Variants in PCDH7 observed in about 807,000 individuals in gnomAD.
PCDH7 encodes the protein protocadherin-7.
In PCDH7, 17 loss-of-function variants were observed where a neutral mutation model predicts 58.9. The ratio of observed to expected loss-of-function variants is 0.29; its 90% confidence interval spans 0.20 to 0.43. PCDH7 has a LOEUF of 0.43. PCDH7 is among the 20% of genes least tolerant of loss of function. PCDH7 has a pLI of 1.00. For synonymous variants in PCDH7, 664 were observed against 616.4 expected, an observed-to-expected ratio of 1.08 and a Z score of -1.14; for missense variants, 1,274 against 1,441.0, an observed-to-expected ratio of 0.88 and a Z score of 1.88.
intron 1 of PCDH7, among the ~76,000 whole-genome samples, chr4:30,814,886 G>C (rs1560398236): frequency 6.6e-6 from 1 of 151,952 alleles, no homozygotes; most frequent in Non-Finnish European, 1.5e-5. Flanking sequence ...TGTTAATTAA[G>C]ACTCATGAAT....
At chr4:30,729,236 A>G (rs1218242590) in intron 1 of PCDH7, among the ~76,000 whole-genome samples, 1 of 151,890 alleles carries the variant, frequency 6.6e-6, no homozygotes, top group African/African-American at 2.4e-5. Flanking sequence ...GGGGGAAAAA[A>G]ACTGAATTTC....
At chr4:30,925,140 A>G (rs1309198911) in intron 2 of PCDH7, among the ~76,000 whole-genome samples, 4 of 152,284 alleles carry the variant, frequency 2.6e-5, no homozygotes, top group South Asian at 4.1e-4. Context: ...TCTTCATTCT[A>G]CATGCATTAT....
chr4:30,883,370 T>C (rs1220136267), intron 1 of PCDH7, among the ~76,000 whole-genome samples: 1 of 152,154 alleles, frequency 6.6e-6, no homozygotes, highest in African/African-American at 2.4e-5. Flanking sequence ...CGCTTACATG[T>C]ATAACTTTTT....
chr4:30,960,977 TCTA>T (rs916827296), intron 3 of PCDH7, among the ~76,000 whole-genome samples: 1 of 152,090 alleles, frequency 6.6e-6, no homozygotes, highest in African/African-American at 2.4e-5. Flanking sequence ...CATTAAAGAG[TCTA>T]GGTGACTAAA....
intron 1 of PCDH7, among the ~76,000 whole-genome samples, chr4:30,781,385 C>A (rs1722756252): frequency 6.6e-6 from 1 of 152,050 alleles, no homozygotes; most frequent in Non-Finnish European, 1.5e-5. Flanking sequence ...CGTGAACCGC[C>A]GGCCTCGGCC....
chr4:30,900,103 A>G (rs1331671004), intron 1 of PCDH7, among the ~76,000 whole-genome samples: 1 of 152,178 alleles, frequency 6.6e-6, no homozygotes, highest in Admixed American at 6.5e-5. Context: ...CAGACACACA[A>G]AGATTGGGAT....
intron 1 of PCDH7, among the ~76,000 whole-genome samples, chr4:30,807,663 T>C: frequency 6.6e-6 from 1 of 152,074 alleles, no homozygotes; most frequent in East Asian, 1.9e-4. Flanking sequence ...AAACAACAAA[T>C]ATTCTATTTT....
At chr4:30,733,673 C>G (rs1312955007), downstream of PCDH7, among the ~76,000 whole-genome samples, 1 of 151,912 alleles carries the variant, frequency 6.6e-6, no homozygotes, top group Non-Finnish European at 1.5e-5. Flanking sequence ...TACCACAGAA[C>G]AAACTGTGAG....
intron 1 of PCDH7, among the ~76,000 whole-genome samples, chr4:30,846,703 G>T (rs2109342903): frequency 6.6e-6 from 1 of 152,138 alleles, no homozygotes; most frequent in African/African-American, 2.4e-5. Context: ...AAAAAGAATT[G>T]CCTGTTGAGA....
intron 3 of PCDH7, among the ~76,000 whole-genome samples, chr4:31,137,206 C>A (rs1719703543): frequency 6.6e-6 from 1 of 152,090 alleles, no homozygotes; most frequent in Non-Finnish European, 1.5e-5. Context: ...AGAAAGAAAA[C>A]CAAACACTTT....
At chr4:30,841,881 G>T (rs1731258673) in intron 1 of PCDH7, among the ~76,000 whole-genome samples, 1 of 152,032 alleles carries the variant, frequency 6.6e-6, no homozygotes, top group African/African-American at 2.4e-5. Flanking sequence ...ATTCTCCTGA[G>T]TTGTCCATTG....
chr4:30,855,602 G>GTT (rs1733352365), intron 1 of PCDH7, among the ~76,000 whole-genome samples: 1 of 152,118 alleles, frequency 6.6e-6, no homozygotes, highest in Admixed American at 6.6e-5. Context: ...ATCAAACAGG[G>GTT]TCGTATATCA....
At chr4:30,760,135 C>A (rs921675175) in intron 1 of PCDH7, among the ~76,000 whole-genome samples, 1 of 152,066 alleles carries the variant, frequency 6.6e-6, no homozygotes, top group African/African-American at 2.4e-5. Context: ...AGGTTAGTAT[C>A]CCCCAGTGTT....
intron 1 of PCDH7, among the ~76,000 whole-genome samples, chr4:30,778,753 T>G (rs1225065559): frequency 6.6e-6 from 1 of 152,238 alleles, no homozygotes; most frequent in Non-Finnish European, 1.5e-5. Context: ...CACAACTGGG[T>G]TGTACTGGAA....
intron 3 of PCDH7, among the ~76,000 whole-genome samples, chr4:31,018,380 T>G (rs779468620): frequency 1.3e-5 from 2 of 152,156 alleles, no homozygotes; most frequent in Non-Finnish European, 2.9e-5. Context: ...TAAGACAACA[T>G]TCTTGATTCC....
At chr4:30,887,545 A>G (rs1177199867) in intron 1 of PCDH7, among the ~76,000 whole-genome samples, 1 of 152,220 alleles carries the variant, frequency 6.6e-6, no homozygotes, top group African/African-American at 2.4e-5. Context: ...TTCAGTACAT[A>G]GAGAAGATAA....
intron 3 of PCDH7, among the ~76,000 whole-genome samples, chr4:31,012,264 A>T (rs1342114433): frequency 6.6e-6 from 1 of 152,160 alleles, no homozygotes; most frequent in Non-Finnish European, 1.5e-5. Context: ...CAAAACAAAA[A>T]GACAAACTTC....
intron 1 of PCDH7, among the ~76,000 whole-genome samples, chr4:30,781,893 T>C (rs930139962): frequency 3.9e-5 from 6 of 152,192 alleles, no homozygotes; most frequent in Non-Finnish European, 5.9e-5. Context: ...AAAATACTTA[T>C]TTTTAAGAGT....
At chr4:31,068,667 G>A (rs115762053) in intron 3 of PCDH7, among the ~76,000 whole-genome samples, 1,568 of 152,026 alleles carry the variant, frequency 0.01, 24 homozygotes, top group African/African-American at 0.036. Flanking sequence ...CATAACTGTC[G>A]AGGGATTCCA....
Sources: allele counts gnomAD v4.1 joint callset (sites outside exome capture counted in the v4.1 genomes callset), GRCh38; gene constraint gnomAD v4.1.1; transcripts MANE v1.5; gene names NCBI Gene and HGNC (gene_info 2026-07-23, HGNC 2026-07-21).